NUDT8: variants seen among roughly 807,000 people sequenced by gnomAD.
The protein encoded by NUDT8 is nudix hydrolase 8.
Under a neutral mutation model 12.5 loss-of-function variants are expected in NUDT8, and 14 were observed. That is an observed-to-expected ratio of 1.12 (90% confidence interval 0.74 to 1.75). The LOEUF (loss-of-function observed/expected upper bound fraction) is 1.75, where lower values mean the gene tolerates loss of function less well. NUDT8 is among the 40% of genes most tolerant of loss of function. The probability of loss-of-function intolerance (pLI) is 0.00; values close to 1 mark genes in which losing one functional copy is unlikely to be tolerated. For synonymous variants in NUDT8, 163 were observed against 156.2 expected, an observed-to-expected ratio of 1.04 and a Z score of -0.33; for missense variants, 337 against 318.5, an observed-to-expected ratio of 1.06 and a Z score of -0.44.
chr11:67,629,182 C>T, intron 1 of NUDT8, 131 bp from the exon 2 acceptor site: 3 of 969,902 alleles, frequency 3.1e-6, no homozygotes, highest in Non-Finnish European at 4.5e-6. Context: ...CTGGGAGGCC[C>T]CAGGCAAGCC....
At position 67,628,047 on chromosome 11, in the gene NUDT8, C is replaced by T. The variant is rs187740928; in HGVS notation, c.610G>A (p.Gly204Ser). 7.6e-5 allele frequency: 122 copies of T among 1,598,364 alleles called. No homozygotes were observed. The highest frequency in any genetic ancestry group is 2.2e-4 in the South Asian group (20 of 91,082). The change falls in exon 4 of 4, where the codon GGC becomes AGC. Residue 204 changes from glycine (G) to serine (S), a missense_variant. By Grantham distance (56) the Gly-to-Ser change is moderately conservative. Coordinates refer to ENST00000376693, the MANE Select transcript of NUDT8 (RefSeq NM_001243750.2). ...APGTYQPRLAGLTCSGAEGLA... is the reference protein window; with the variant it reads ...APGTYQPRLASLTCSGAEGLA... ...CCCTCAGCCCCTGAGCAGGTCAGGC[C>T]GGCCAGGCGGGGCTGGTAGGTACCA... is the stretch of plus-strand genomic sequence containing the variant.
chr11:67,629,302 G>A (rs560772834), intron 1 of NUDT8: 317 of 456,882 alleles, frequency 6.9e-4, no homozygotes, highest in Non-Finnish European at 1.1e-3. Context: ...AGATCCTGGG[G>A]CTCAGATACC....
rs748295635 is a variant in NUDT8 at position 67,628,179 on chromosome 11, G to A, written c.478C>T (p.Arg160Trp). 2.0e-5 allele frequency: 32 copies of A among 1,607,736 alleles called. No homozygotes were observed. The highest frequency in any genetic ancestry group is 9.9e-5 in the South Asian group (9 of 91,092). ...TQNQGYTHFCRGGHFRYTLPV... is the reference protein window; with the variant it reads ...TQNQGYTHFCWGGHFRYTLPV... The stretch of plus-strand genomic sequence containing the variant: ...AGTGTGTAGCGGAAGTGGCCACCCC[G>A]GCAGAAGTGGGTATAGCCCTGATTC... The change falls in exon 4 of 4, where the codon CGG becomes TGG. Residue 160 changes from arginine (R) to tryptophan (W), a missense_variant. By Grantham distance (101) the Arg-to-Trp change is moderately radical. Coordinates refer to ENST00000376693, the MANE Select transcript of NUDT8 (RefSeq NM_001243750.2).
At chr11:67,628,812 T>C in intron 2 of NUDT8, 107 bp downstream of exon 2, 1 of 1,412,902 alleles carries the variant, frequency 7.1e-7, no homozygotes, top group Non-Finnish European at 9.6e-7. Flanking sequence ...TTCCACACTT[T>C]GTGCCCGTGG....
At position 67,627,998 on chromosome 11, in the gene NUDT8, A is replaced by G; in HGVS notation, c.659T>C (p.Leu220Pro). ...AEGLARPKQP[L>P]ASPCQASSTP... ...GGAGCTGGCCTGACAGGGTGAAGCC[A>G]GGGGCTGCTTAGGGCGGGCCAGACC... is the stretch of plus-strand genomic sequence containing the variant. The change falls in exon 4 of 4, where the codon CTG becomes CCG. Residue 220 changes from leucine to proline, a missense_variant. Physicochemically the swap from Leu to Pro is moderately conservative, Grantham distance 98. Coordinates refer to ENST00000376693, the MANE Select transcript of NUDT8 (RefSeq NM_001243750.2). 1.9e-6 allele frequency: 3 copies of G among 1,597,608 alleles called. No homozygotes were observed. Among genetic ancestry groups the G allele is most frequent in the Non-Finnish European group, 2.5e-6 (3 of 1,179,312 alleles).
chr11:67,629,185 G>T, intron 1 of NUDT8, 134 bp from the exon 2 acceptor site: 1 of 940,074 alleles, frequency 1.1e-6, no homozygotes, highest in Non-Finnish European at 1.6e-6. Flanking sequence ...GGAGGCCCCA[G>T]GCAAGCCATG....
Position 67,629,809 on chromosome 11 carries a change from GC to G in NUDT8, c.102del (p.Leu35SerfsTer22). On this transcript the variant is annotated frameshift_variant, in exon 1 of 4. Coordinates refer to ENST00000376693, the MANE Select transcript of NUDT8 (RefSeq NM_001243750.2). LOFTEE classifies it high-confidence loss of function. ...CCACGCACTGAGCAGAGCGGCACGA[GC>G]ACCGCGGCCGACGCGGGCCGCGCGC... ...RLRARPASAAVLVPLCSVRGV... is the reference protein window; with the variant it reads ...RLRARPASAAXLVPLCSVRGV... The G allele has an allele frequency of 7.0e-7, 1 of 1,433,478 alleles. No homozygotes were observed. Among genetic ancestry groups the G allele is most frequent in the South Asian group, 1.5e-5 (1 of 66,060 alleles). The allele number at this position is 1,433,478 out of a possible 1,614,324, so 88.8% of individuals were successfully genotyped here.
chr11:67,628,165 GA>G lies in NUDT8; in HGVS notation c.491del (p.Phe164SerfsTer42). 1 of 1,605,018 alleles carries G rather than the reference GA, an allele frequency of 6.2e-7. No homozygotes were observed. The highest frequency in any genetic ancestry group is 8.5e-7 in the Non-Finnish European group (1 of 1,179,828). ...GCAGGAAGACGGGTAGTGTGTAGCG[GA>G]AGTGGCCACCCCGGCAGAAGTGGGT... ...GYTHFCRGGH[F>X]RYTLPVFLHG... On this transcript the variant is annotated frameshift_variant, in exon 4 of 4. Coordinates refer to ENST00000376693, the MANE Select transcript of NUDT8 (RefSeq NM_001243750.2). LOFTEE classifies it low-confidence loss of function (END_TRUNC).
Position 67,628,014 on chromosome 11 carries a change from G to T in NUDT8, c.643C>A (p.Arg215Ser). 2 of 1,598,186 alleles carry T rather than the reference G, an allele frequency of 1.3e-6. No homozygotes were observed. Residue 215 changes from arginine (R) to serine (S), a missense_variant, in exon 4 of 4, where the codon CGC becomes AGC. Transcript: ENST00000376693. ...GGTGAAGCCAGGGGCTGCTTAGGGCGGGCCAGACCCTCAGCCCCTGAGCAG... is the reference window on the plus strand; with the variant it reads ...GGTGAAGCCAGGGGCTGCTTAGGGCTGGCCAGACCCTCAGCCCCTGAGCAG... ...LTCSGAEGLA[R>S]PKQPLASPCQ...
chr11:67,629,707 G>T lies in NUDT8; in HGVS notation c.194+11C>A. The T allele has an allele frequency of 6.8e-7, 1 of 1,480,364 alleles. No individual in the cohort carries two copies. The highest frequency in any genetic ancestry group is 2.8e-5 in the East Asian group (1 of 35,520). The allele number at this position is 1,480,364 out of a possible 1,614,324, so 91.7% of individuals were successfully genotyped here. On this transcript the variant is annotated intron_variant, in intron 1 of 3. Transcript: ENST00000376693. ...CTCCGGCAAAGGGCGAGGAGTTCCC[G>T]GCCGCTGTACCTGACGTCGCCCTTG... is the stretch of plus-strand genomic sequence containing the variant.
At position 67,628,098 on chromosome 11, in the gene NUDT8, C is replaced by CA; in HGVS notation, c.558dup (p.Glu187Ter). On this transcript the variant is annotated frameshift_variant, in exon 4 of 4. Transcript: ENST00000376693. LOFTEE classifies it low-confidence loss of function (END_TRUNC). ...GGTGCCAGCAGCTGCAGGGCAAACT[C>CA]AGTGATGACAGCTGTGAGGCCCCAG... The CA allele has an allele frequency of 6.3e-7, 1 of 1,598,558 alleles. No individual in the cohort carries two copies. Among genetic ancestry groups the CA allele is most frequent in the Non-Finnish European group, 8.5e-7 (1 of 1,179,808 alleles).
At position 67,629,009 on chromosome 11, in the gene NUDT8, C is replaced by T. The variant is rs1358165558; in HGVS notation, c.237G>A (p.Val79=). 1.2e-6 allele frequency: 2 copies of T among 1,613,014 alleles called. No homozygotes were observed. Among genetic ancestry groups the T allele is most frequent in the East Asian group, 4.5e-5 (2 of 44,878 alleles). ...GKCDPADQDV[V]HTALRETREE... ...CCCGGGTTTCCCGCAGGGCCGTGTGCACCACATCTTGGTCAGCCGGGTCGC... is the reference window on the plus strand; with the variant it reads ...CCCGGGTTTCCCGCAGGGCCGTGTGTACCACATCTTGGTCAGCCGGGTCGC... The change falls in exon 2 of 4, where the codon GTG becomes GTA. Residue 79 remains valine, a synonymous_variant. Coordinates refer to ENST00000376693, the MANE Select transcript of NUDT8 (RefSeq NM_001243750.2).
chr11:67,627,970 A>C lies in NUDT8; in HGVS notation c.687T>G (p.Thr229=), dbSNP rs1855140133. Residue 229 remains threonine (T), a synonymous_variant, in exon 4 of 4, where the codon ACT becomes ACG. Coordinates refer to ENST00000376693, the MANE Select transcript of NUDT8 (RefSeq NM_001243750.2). ...GTCAAAGACCTTTATTCAGTCCTGG[A>C]GTGGAGCTGGCCTGACAGGGTGAAG... ...PLASPCQASS[T]PGLNKGL is the part of the protein sequence containing the mutation. The C allele has an allele frequency of 6.3e-7, 1 of 1,593,704 alleles. No individual in the cohort carries two copies. Among genetic ancestry groups the C allele is most frequent in the Admixed American group, 1.7e-5 (1 of 59,770 alleles).
chr11:67,629,516 C>G (rs147262698), intron 1 of NUDT8: 13 of 402,002 alleles, frequency 3.2e-5, no homozygotes, highest in Middle Eastern at 6.5e-4. Flanking sequence ...GAGGACGTGG[C>G]GCCCCGGCAG....
In NUDT8 at chr11:67,629,120, C is replaced by CGG. The variant is rs112158573; in HGVS notation, c.195-71_195-70dup. 19 of 1,452,960 alleles carry CGG rather than the reference C, an allele frequency of 1.3e-5. No individual in the cohort carries two copies. The African/African-American group carries it at 2.7e-4, about 21-fold the overall frequency. 90.0% of individuals were successfully genotyped at this position (1,452,960 alleles called of 1,614,324 possible). On this transcript the variant is annotated intron_variant, in intron 1 of 3. Coordinates refer to ENST00000376693, the MANE Select transcript of NUDT8 (RefSeq NM_001243750.2). ...CGGAGAGGTCGGGGTATCGGCAGTG[C>CGG]GGGGGGGGCCACTGGCCCACCGAAG...
chr11:67,628,411 G>A lies in NUDT8; in HGVS notation c.328-11C>T. 1.2e-6 allele frequency: 2 copies of A among 1,612,504 alleles called. No homozygotes were observed. The highest frequency in any genetic ancestry group is 1.7e-6 in the Non-Finnish European group (2 of 1,179,180). Reference sequence around the variant, plus strand: ...CACGGTGGCCTTTTGCTGGGGAAGAGGGCAGGTGGTCAGGGAAGCATGGCC... The same window carrying A: ...CACGGTGGCCTTTTGCTGGGGAAGAAGGCAGGTGGTCAGGGAAGCATGGCC... On this transcript the variant is annotated splice_polypyrimidine_tract_variant and intron_variant, in intron 2 of 3. Transcript: ENST00000376693.
In NUDT8 at chr11:67,629,740, C is replaced by T. The variant is rs1260214645; in HGVS notation, c.172G>A (p.Gly58Arg). 8 of 1,540,212 alleles carry T rather than the reference C, an allele frequency of 5.2e-6. No individual in the cohort carries two copies. Among genetic ancestry groups the T allele is most frequent in the African/African-American group, 1.4e-5 (1 of 70,060 alleles). The change falls in exon 1 of 4, where the codon GGG becomes AGG. Residue 58 changes from glycine to arginine, a missense_variant. Coordinates refer to ENST00000376693, the MANE Select transcript of NUDT8 (RefSeq NM_001243750.2). ...LYTLRSSRLT[G>R]RHKGDVSFPG... ...TACCTGACGTCGCCCTTGTGCCTCCCGGTCAGGCGGCTGGACCGCAGCGTG... is the reference window on the plus strand; with the variant it reads ...TACCTGACGTCGCCCTTGTGCCTCCTGGTCAGGCGGCTGGACCGCAGCGTG...
In NUDT8 at chr11:67,628,245, C is replaced by T; in HGVS notation, c.412G>A (p.Glu138Lys). The change falls in exon 4 of 4, where the codon GAG (glutamate) becomes AAG (lysine). Residue 138 changes from glutamate to lysine, a missense_variant. Physicochemically the swap from Glu to Lys is moderately conservative, Grantham distance 56. Transcript: ENST00000376693. ...SLRPNSEEVD[E>K]VFALPLAHLL... ...TGGGCCAGCGGCAGTGCAAACACCT[C>T]ATCTACCTGCAGGCAGGAGGCAGAG... The T allele has an allele frequency of 6.2e-7, 1 of 1,613,006 alleles. No individual in the cohort carries two copies.
At chr11:67,629,573 C>T (rs1333786660) in intron 1 of NUDT8, 145 bp downstream of exon 1, 1 of 432,510 alleles carries the variant, frequency 2.3e-6, no homozygotes, top group East Asian at 3.7e-5. Flanking sequence ...TCGCTGCAGC[C>T]CTTGGGCGGA....
Sources: gnomAD v4.1 joint callset for allele counts on GRCh38, gnomAD v4.1.1 for gene constraint, MANE v1.5 for transcripts, NCBI Gene and HGNC (gene_info 2026-07-23, HGNC 2026-07-21) for gene names.